Variants in GBF1 observed in about 807,000 individuals in gnomAD.
GBF1 encodes Golgi-specific brefeldin A-resistance guanine nucleotide exchange factor 1.
GBF1 carries 114 observed loss-of-function variants against 210.5 expected under a neutral mutation model. That is an observed-to-expected ratio of 0.54 (90% CI 0.47 to 0.63). The LOEUF is 0.63. GBF1 is among the 30% of genes least tolerant of loss of function. The pLI, the probability that GBF1 is intolerant of heterozygous loss-of-function variation, is 0.00. For synonymous variants in GBF1, 850 were observed against 889.2 expected (o/e 0.96, Z 0.78); for missense variants, 1,851 against 2,357.7 (o/e 0.79, Z 4.45).
upstream of GBF1, among the ~76,000 whole-genome samples, chr10:102,243,259 T>A (rs529881134): frequency 2.0e-4 from 31 of 152,212 alleles, no homozygotes; most frequent in Non-Finnish European, 4.1e-4. Context: ...TGACCCTCAG[T>A]GTATACCTTC....
rs2060705376 is a variant in GBF1, at chr10:102,379,391, T to C, written c.4602T>C (p.Asp1534=). The stretch of plus-strand genomic sequence containing the variant: ...CAGGTGGCCAGAAGATTGAAGCTGA[T>C]TCTCGCACCCTCTGGGCCCACTGCT... ...LETGGQKIEA[D]SRTLWAHCWC... The change falls in exon 34 of 40, where the codon GAT becomes GAC. Residue 1534 remains aspartate (D), a synonymous_variant. Coordinates refer to ENST00000369983, the MANE Select transcript of GBF1 (RefSeq NM_001377137.1). The C allele has an allele frequency of 6.2e-7, 1 of 1,613,954 alleles. No individual in the cohort carries two copies. The highest frequency in any genetic ancestry group is 1.1e-5 in the South Asian group (1 of 91,078).
At chr10:102,300,454 G>T (rs1337598151) in intron 3 of GBF1, among the ~76,000 whole-genome samples, 1 of 152,178 alleles carries the variant, frequency 6.6e-6, no homozygotes, top group Non-Finnish European at 1.5e-5. Context: ...TGAAAAAGAG[G>T]TTCTAAAGTG....
At chr10:102,276,135 G>A (rs2074940035) in intron 3 of GBF1, among the ~76,000 whole-genome samples, 1 of 152,140 alleles carries the variant, frequency 6.6e-6, no homozygotes, top group Non-Finnish European at 1.5e-5. Context: ...TACTGGGGAG[G>A]CTGAGGCAGG....
chr10:102,382,137 GCCCCACC>G lies in GBF1; in HGVS notation c.5388_5394del (p.Pro1798GlyfsTer10). 1 of 1,610,940 alleles carries G rather than the reference GCCCCACC, an allele frequency of 6.2e-7. No homozygotes were observed. The highest frequency in any genetic ancestry group is 8.5e-7 in the Non-Finnish European group (1 of 1,178,054). On this transcript the variant is annotated frameshift_variant, in exon 40 of 40. Coordinates refer to ENST00000369983, the MANE Select transcript of GBF1 (RefSeq NM_001377137.1). LOFTEE classifies it high-confidence loss of function. ...GTGGCCTCAAGCCCCAGCAGGCTGA[GCCCCACC>G]CCCGACGGGCCTCCACCCTTGGCTC...
rs2059729027 is a variant in GBF1 at position 102,363,503 on chromosome 10, C to A, written c.2017+107C>A. 1.8e-6 allele frequency: 2 copies of A among 1,093,078 alleles called. No individual in the cohort carries two copies. The allele number at this position is 1,093,078 out of a possible 1,614,324, so 67.7% of individuals were successfully genotyped here. On this transcript the variant is annotated intron_variant, in intron 16 of 39. Transcript: ENST00000369983. This position sits in a 1 kb window ranked among gnomAD's most constrained non-coding sequence, Gnocchi z 4.2. ...ATAGTAACTAAGCAAGCCTTGGTAG[C>A]CCGCCTCGCCTTCAGACTCAGAGAG...
At chr10:102,358,277 G>A (rs1448519781) in intron 9 of GBF1, 91 bp downstream of exon 9, 2 of 1,203,176 alleles carry the variant, frequency 1.7e-6, no homozygotes, top group Non-Finnish European at 2.4e-6. Context: ...ACCAACTGAG[G>A]GGCTTTGGTC....
intron 3 of GBF1, among the ~76,000 whole-genome samples, chr10:102,309,472 C>T (rs916335307): frequency 3.3e-5 from 5 of 152,170 alleles, no homozygotes; most frequent in Admixed American, 1.3e-4. Context: ...CTGATTTTTA[C>T]CCCATCAGGG....
intron 3 of GBF1, among the ~76,000 whole-genome samples, chr10:102,286,389 A>G (rs765370447): frequency 3.3e-5 from 5 of 152,196 alleles, no homozygotes; most frequent in Non-Finnish European, 7.3e-5. Flanking sequence ...GCTGTGTAGC[A>G]GTAATATATC....
chr10:102,355,555 C>T (rs1043202491), intron 8 of GBF1, among the ~76,000 whole-genome samples: 1 of 152,196 alleles, frequency 6.6e-6, no homozygotes, highest in East Asian at 1.9e-4. Context: ...GAACTGGCAG[C>T]CTCTTGGCCC....
intron 4 of GBF1, among the ~76,000 whole-genome samples, chr10:102,347,983 T>C (rs141298180): frequency 0.013 from 2,010 of 152,220 alleles, 24 homozygotes; most frequent in Middle Eastern, 0.041. Flanking sequence ...GTTGCCCAGG[T>C]TGGAGTGCAC....
At chr10:102,333,468 C>CTT (rs796816217) in intron 3 of GBF1, among the ~76,000 whole-genome samples, 8 of 143,954 alleles carry the variant, frequency 5.6e-5, no homozygotes, top group Non-Finnish European at 7.7e-5. Flanking sequence ...CACTACCCCT[C>CTT]TTTTTTTTTT....
At chr10:102,346,951 A>T (rs1397257372) in intron 4 of GBF1, among the ~76,000 whole-genome samples, 1 of 152,154 alleles carries the variant, frequency 6.6e-6, no homozygotes, top group Non-Finnish European at 1.5e-5. Context: ...CTTTCATAGC[A>T]TTACAATTAT....
intron 3 of GBF1, among the ~76,000 whole-genome samples, chr10:102,284,731 A>G (rs1366799243): frequency 3.3e-5 from 5 of 152,106 alleles, no homozygotes; most frequent in Non-Finnish European, 7.4e-5. Flanking sequence ...GGACATGTGT[A>G]TACATGTATT....
intron 22 of GBF1, 35 bp from the exon 23 acceptor site, chr10:102,368,704 T>G: frequency 6.7e-7 from 1 of 1,482,064 alleles, no homozygotes; most frequent in Non-Finnish European, 9.4e-7. Context: ...GGCCTTCCAG[T>G]GACTCTGTTT....
chr10:102,374,893 G>A (rs1042205856), intron 29 of GBF1, among the ~76,000 whole-genome samples: 2 of 152,114 alleles, frequency 1.3e-5, no homozygotes, highest in East Asian at 3.9e-4. Context: ...ATTTGAGGCT[G>A]GGTGCAGTGG....
chr10:102,261,985 A>G (rs2073293052), intron 3 of GBF1, among the ~76,000 whole-genome samples: 1 of 152,080 alleles, frequency 6.6e-6, no homozygotes, highest in South Asian at 2.1e-4. Context: ...CTTGGGTTCA[A>G]GCAAGTCTTC....
intron 3 of GBF1, among the ~76,000 whole-genome samples, chr10:102,324,867 C>T (rs776340597): frequency 1.3e-5 from 2 of 152,024 alleles, no homozygotes; most frequent in Non-Finnish European, 2.9e-5. Flanking sequence ...GGATTACAGG[C>T]GTGAGCCACT....
At chr10:102,319,275 G>A (rs1415022376) in intron 3 of GBF1, among the ~76,000 whole-genome samples, 1 of 151,942 alleles carries the variant, frequency 6.6e-6, no homozygotes, top group Middle Eastern at 3.2e-3. Context: ...AGCCGAGATC[G>A]CGCCACTGCA....
At chr10:102,376,180 G>C (rs1375879579) in intron 30 of GBF1, 92 bp from the exon 31 acceptor site, 8 of 935,034 alleles carry the variant, frequency 8.6e-6, no homozygotes, top group South Asian at 1.5e-5. Flanking sequence ...GGGAGGCCAG[G>C]CCTCAGCATC....
Sources: allele counts gnomAD v4.1 joint callset (sites outside exome capture counted in the v4.1 genomes callset), GRCh38; gene constraint gnomAD v4.1.1; non-coding constraint Gnocchi (gnomAD v3.1); transcripts MANE v1.5; gene names NCBI Gene and HGNC (gene_info 2026-07-23, HGNC 2026-07-21).